Variants in CTNNA3 observed in about 807,000 individuals in gnomAD.
CTNNA3 encodes the protein catenin alpha-3.
Under a neutral mutation model 95.7 loss-of-function variants are expected in CTNNA3, and 76 were observed. That is an observed-to-expected ratio of 0.79 (90% CI 0.66 to 0.96). The LOEUF (loss-of-function observed/expected upper bound fraction) is 0.96, where lower values mean the gene tolerates loss of function less well. CTNNA3 is among the 40% of genes least tolerant of loss of function. The probability of loss-of-function intolerance (pLI) is 0.00; values close to 1 mark genes in which losing one functional copy is unlikely to be tolerated. For missense variants in CTNNA3, 1,191 were observed against 1,089.8 expected (o/e 1.09, Z -1.31); for synonymous variants, 431 against 374.4 (o/e 1.15, Z -1.74).
intron 7 of CTNNA3, among the ~76,000 whole-genome samples, chr10:67,124,296 G>GTT (rs1859602539): frequency 6.7e-6 from 1 of 149,622 alleles, no homozygotes; most frequent in Non-Finnish European, 1.5e-5. Flanking sequence ...GCTTCCTCTA[G>GTT]TTCTCTCTCT....
At chr10:66,955,605 T>C (rs573946241) in intron 7 of CTNNA3, among the ~76,000 whole-genome samples, 25 of 152,218 alleles carry the variant, frequency 1.6e-4, no homozygotes, top group Admixed American at 3.3e-4. Flanking sequence ...TCAATAAATG[T>C]TGGATGAATG....
chr10:67,581,969 A>G (rs574325314), intron 3 of CTNNA3, among the ~76,000 whole-genome samples: 1 of 151,514 alleles, frequency 6.6e-6, no homozygotes, highest in Non-Finnish European at 1.5e-5. Context: ...ATTTGTCTTG[A>G]TAGCGGTCTA....
chr10:67,392,265 C>T (rs1318812046), intron 5 of CTNNA3, among the ~76,000 whole-genome samples: 1 of 152,190 alleles, frequency 6.6e-6, no homozygotes, highest in Admixed American at 6.5e-5. Context: ...AGACACTTCT[C>T]AAAAGAAGAC....
intron 12 of CTNNA3, among the ~76,000 whole-genome samples, chr10:66,312,248 C>A (rs1033657120): frequency 3.3e-5 from 5 of 152,104 alleles, no homozygotes; most frequent in African/African-American, 1.2e-4. Flanking sequence ...CTCCCAGTGC[C>A]ATTCAGTTAA....
chr10:66,093,607 C>T (rs2081289222), intron 14 of CTNNA3, among the ~76,000 whole-genome samples: 1 of 151,954 alleles, frequency 6.6e-6, no homozygotes, highest in Non-Finnish European at 1.5e-5. Context: ...TTCTATATCC[C>T]TTATATGGCC....
intron 1 of CTNNA3, among the ~76,000 whole-genome samples, chr10:67,726,501 A>T (rs1438576961): frequency 3.6e-5 from 2 of 55,952 alleles, no homozygotes; most frequent in African/African-American, 1.8e-4. Context: ...TACAATATAT[A>T]ATATATTATA....
chr10:66,913,238 CAAAAAAA>C (rs1161880781), intron 7 of CTNNA3, among the ~76,000 whole-genome samples: 4 of 33,528 alleles, frequency 1.2e-4, no homozygotes, highest in African/African-American at 1.2e-4. Flanking sequence ...GACTCCGTCT[CAAAAAAA>C]AAAAAAAAAA....
chr10:67,012,641 A>C (rs1317935625), intron 7 of CTNNA3, among the ~76,000 whole-genome samples: 1 of 152,012 alleles, frequency 6.6e-6, no homozygotes, highest in African/African-American at 2.4e-5. Context: ...TACCCAACAT[A>C]CCTAAAGAAC....
chr10:67,654,869 G>A (rs1027762788), intron 1 of CTNNA3, among the ~76,000 whole-genome samples: 1 of 151,990 alleles, frequency 6.6e-6, no homozygotes, highest in African/African-American at 2.4e-5. Flanking sequence ...TTCACTATAT[G>A]TGTATTTCTC....
chr10:67,345,533 T>C (rs1194199353), intron 5 of CTNNA3, among the ~76,000 whole-genome samples: 1 of 152,144 alleles, frequency 6.6e-6, no homozygotes, highest in African/African-American at 2.4e-5. Context: ...ATATTTAAAA[T>C]TGTTATATCC....
intron 10 of CTNNA3, among the ~76,000 whole-genome samples, chr10:66,585,513 C>T (rs1462871741): frequency 6.6e-6 from 1 of 151,572 alleles, no homozygotes; most frequent in Non-Finnish European, 1.5e-5. Context: ...TTTGTAGTTG[C>T]CGAAATGTGT....
chr10:66,518,536 A>T (rs1380864560), intron 11 of CTNNA3, among the ~76,000 whole-genome samples: 1 of 152,170 alleles, frequency 6.6e-6, no homozygotes, highest in Non-Finnish European at 1.5e-5. Context: ...TGAAGGAGAT[A>T]GCAAATAGAC....
At chr10:66,851,614 C>CCTCTCT (rs58166318) in intron 7 of CTNNA3, among the ~76,000 whole-genome samples, 1 of 148,184 alleles carries the variant, frequency 6.7e-6, no homozygotes, top group Non-Finnish European at 1.5e-5. Context: ...TCCCCACCCA[C>CCTCTCT]CTCTCTCTTT....
At chr10:66,688,552 A>G (rs1847385945) in intron 9 of CTNNA3, among the ~76,000 whole-genome samples, 1 of 152,204 alleles carries the variant, frequency 6.6e-6, no homozygotes, top group Admixed American at 6.5e-5. Context: ...CACTATCTAC[A>G]GTAGCCAATT....
At chr10:67,655,947 G>A (rs1840013334) in intron 1 of CTNNA3, among the ~76,000 whole-genome samples, 1 of 151,892 alleles carries the variant, frequency 6.6e-6, no homozygotes, top group African/African-American at 2.4e-5. Flanking sequence ...ATCATCACAA[G>A]AAGATTTAAG....
At chr10:66,498,200 G>A (rs1840161402) in intron 11 of CTNNA3, among the ~76,000 whole-genome samples, 1 of 151,958 alleles carries the variant, frequency 6.6e-6, no homozygotes, top group Non-Finnish European at 1.5e-5. Flanking sequence ...TGTTTTAAAA[G>A]AGCATAGGAT....
chr10:66,499,815 T>A (rs1840218642), intron 11 of CTNNA3, among the ~76,000 whole-genome samples: 1 of 151,486 alleles, frequency 6.6e-6, no homozygotes, highest in African/African-American at 2.4e-5. Context: ...CCTTTTTTTT[T>A]TTTTTTTAAC....
At chr10:67,299,556 T>C (rs1336256923) in intron 5 of CTNNA3, among the ~76,000 whole-genome samples, 1 of 152,174 alleles carries the variant, frequency 6.6e-6, no homozygotes, top group Admixed American at 6.5e-5. Context: ...GGCTGTAGGA[T>C]TCTTTATATT....
chr10:67,557,114 G>A lies in CTNNA3; in HGVS notation c.293-17445C>T, dbSNP rs536259760. Among the ~76,000 whole-genome samples the A allele has an allele frequency of 2.6e-5, 4 of 152,270 alleles. No homozygotes were observed. In the South Asian group the frequency reaches 8.3e-4, roughly 32 times the overall value. On this transcript the variant is annotated intron_variant, in intron 3 of 17. Coordinates refer to ENST00000433211, the MANE Select transcript of CTNNA3 (RefSeq NM_013266.4). The stretch of plus-strand genomic sequence containing the variant: ...TTCTAGTTTGATTGCACTGTGACCA[G>A]TCATCTTAAAGTAACAGAATGGATC...
Sources: gnomAD v4.1 joint callset for allele counts (sites outside exome capture counted in the v4.1 genomes callset) on GRCh38, gnomAD v4.1.1 for gene constraint, MANE v1.5 for transcripts, NCBI Gene and HGNC (gene_info 2026-07-23, HGNC 2026-07-21) for gene names.